ARHGEF28: variants seen among roughly 807,000 people sequenced by gnomAD.
ARHGEF28 encodes the protein Rho guanine nucleotide exchange factor 28.
A neutral mutation model predicts 206.6 loss-of-function variants in ARHGEF28; 152 were observed. The ratio of observed to expected loss-of-function variants is 0.74; its 90% confidence interval spans 0.64 to 0.84. The LOEUF (loss-of-function observed/expected upper bound fraction) is 0.84, where lower values mean the gene tolerates loss of function less well. ARHGEF28 is among the 40% of genes least tolerant of loss of function. ARHGEF28 has a pLI of 0.00. For missense variants in ARHGEF28, 2,028 were observed against 2,073.2 expected (o/e 0.98, Z 0.42); for synonymous variants, 763 against 776.4 (o/e 0.98, Z 0.29).
At chr5:73,650,928 G>T (rs182289337) in intron 1 of ARHGEF28, among the ~76,000 whole-genome samples, 1 of 152,298 alleles carries the variant, frequency 6.6e-6, no homozygotes, top group Admixed American at 6.5e-5. Context: ...AATACCTTCT[G>T]ATGTATCCAA....
chr5:73,658,608 C>T (rs1745378243), intron 1 of ARHGEF28, among the ~76,000 whole-genome samples: 2 of 152,062 alleles, frequency 1.3e-5, no homozygotes, highest in Admixed American at 1.3e-4. Flanking sequence ...ATCTTCTGTT[C>T]AGAGTGAGGT....
chr5:73,832,580 A>G (rs1254554866), intron 10 of ARHGEF28, 121 bp downstream of exon 10: 1 of 1,352,156 alleles, frequency 7.4e-7, no homozygotes, highest in Admixed American at 2.3e-5. Context: ...AGCAAAGAGG[A>G]TGCTGTTGTG....
intron 1 of ARHGEF28, among the ~76,000 whole-genome samples, chr5:73,657,168 G>A (rs1244764697): frequency 4.0e-4 from 29 of 72,560 alleles, no homozygotes; most frequent in Non-Finnish European, 4.4e-4. Context: ...GCAAGACTCC[G>A]TCCCAAAAAA....
At chr5:73,889,143 C>T (rs572036401) in intron 26 of ARHGEF28, among the ~76,000 whole-genome samples, 10 of 152,312 alleles carry the variant, frequency 6.6e-5, no homozygotes, top group Non-Finnish European at 1.5e-4. Context: ...TAGGGATATA[C>T]AGATATCTGG....
intron 1 of ARHGEF28, among the ~76,000 whole-genome samples, chr5:73,661,592 A>C (rs1745601057): frequency 6.6e-6 from 1 of 152,136 alleles, no homozygotes; most frequent in South Asian, 2.1e-4. Context: ...AGTGAGAGAC[A>C]TGCAACTCTT....
chr5:73,805,208 G>C (rs1316361642), intron 9 of ARHGEF28, among the ~76,000 whole-genome samples: 1 of 151,720 alleles, frequency 6.6e-6, no homozygotes, highest in Non-Finnish European at 1.5e-5. Flanking sequence ...TTTTTTTTAG[G>C]GTGGTAAAGG....
At chr5:73,794,061 C>CT (rs1489015018) in intron 7 of ARHGEF28, among the ~76,000 whole-genome samples, 2 of 152,188 alleles carry the variant, frequency 1.3e-5, no homozygotes, top group Non-Finnish European at 2.9e-5. Flanking sequence ...GAGTCACGTC[C>CT]TTACAATCTG....
chr5:73,803,134 T>C (rs2112501433), intron 9 of ARHGEF28, among the ~76,000 whole-genome samples: 1 of 152,308 alleles, frequency 6.6e-6, no homozygotes, highest in African/African-American at 2.4e-5. Flanking sequence ...GCCAACAGAA[T>C]TTATTCCTTT....
intron 1 of ARHGEF28, among the ~76,000 whole-genome samples, chr5:73,683,930 G>A (rs1747273310): frequency 6.6e-6 from 1 of 152,100 alleles, no homozygotes; most frequent in East Asian, 1.9e-4. Context: ...AGTGTCTGGG[G>A]TCATAGGGTT....
chr5:73,649,097 A>G (rs1021896595), intron 1 of ARHGEF28, among the ~76,000 whole-genome samples: 1 of 152,234 alleles, frequency 6.6e-6, no homozygotes, highest in Non-Finnish European at 1.5e-5. Context: ...ATTATTATGT[A>G]TGATCCCCAT....
intron 10 of ARHGEF28, among the ~76,000 whole-genome samples, chr5:73,837,829 C>T (rs1302496716): frequency 6.6e-6 from 1 of 151,432 alleles, no homozygotes; most frequent in Non-Finnish European, 1.5e-5. Context: ...GCAATCTCCA[C>T]CCCCCAGGCT....
intron 14 of ARHGEF28, among the ~76,000 whole-genome samples, chr5:73,857,041 T>C (rs1759087762): frequency 6.6e-6 from 1 of 152,188 alleles, no homozygotes; most frequent in Non-Finnish European, 1.5e-5. Context: ...CAGTTACCTC[T>C]ACCTTGCTTC....
At chr5:73,674,008 TAA>T (rs35528097) in intron 1 of ARHGEF28, among the ~76,000 whole-genome samples, 19 of 134,284 alleles carry the variant, frequency 1.4e-4, no homozygotes, top group Middle Eastern at 3.5e-3. Context: ...TCCATCTCTT[TAA>T]AAAAAAAAAA....
intron 9 of ARHGEF28, among the ~76,000 whole-genome samples, chr5:73,831,466 C>T (rs908536859): frequency 1.3e-5 from 2 of 152,246 alleles, no homozygotes; most frequent in South Asian, 2.1e-4. Context: ...TAAACATTTC[C>T]GTAACCAAAA....
At chr5:73,794,764 G>A (rs12517475) in intron 8 of ARHGEF28, among the ~76,000 whole-genome samples, 90,606 of 151,514 alleles carry the variant, frequency 0.6, 28,204 homozygotes, top group African/African-American at 0.79. Flanking sequence ...CCACCACCAC[G>A]TCTGGCTAAT....
At chr5:73,632,908 T>A (rs972676942) in intron 1 of ARHGEF28, among the ~76,000 whole-genome samples, 6 of 152,078 alleles carry the variant, frequency 3.9e-5, no homozygotes, top group African/African-American at 1.4e-4. Context: ...AAGTGCATTA[T>A]GTTTATTGTA....
At chr5:73,880,896 C>T (rs72772570) in intron 22 of ARHGEF28, among the ~76,000 whole-genome samples, 5,543 of 152,072 alleles carry the variant, frequency 0.036, 173 homozygotes, top group Non-Finnish European at 0.052. Context: ...CCTTCTCCTG[C>T]ACTCCAGCCT....
In ARHGEF28 at chr5:73,813,640, A is replaced by G. The variant is rs937380366; in HGVS notation, c.1024+18249A>G. ...TAACTACTCGTGGCCTTCCTTTCCC[A>G]AAATGAAGATTCGAAGAAGGACGTC... On this transcript the variant is annotated intron_variant, in intron 9 of 35. Coordinates refer to ENST00000513042, the MANE Select transcript of ARHGEF28 (RefSeq NM_001177693.2). The G allele has an allele frequency of 2.3e-5, 36 of 1,535,766 alleles. No homozygotes were observed. The African/African-American group carries it at 3.6e-4, about 15-fold the overall frequency.
chr5:73,931,350 G>A (rs1445448266), intron 35 of ARHGEF28, among the ~76,000 whole-genome samples: 7 of 152,018 alleles, frequency 4.6e-5, no homozygotes, highest in Non-Finnish European at 1.0e-4. Flanking sequence ...CATTTTTACT[G>A]GTTATTTATT....
Sources: allele counts gnomAD v4.1 joint callset (sites outside exome capture counted in the v4.1 genomes callset), GRCh38; gene constraint gnomAD v4.1.1; transcripts MANE v1.5; gene names NCBI Gene and HGNC (gene_info 2026-07-23, HGNC 2026-07-21).